Variants in TMCO4 observed in about 807,000 individuals in gnomAD.
TMCO4 encodes the protein transmembrane and coiled-coil domain-containing protein 4.
In TMCO4, 58 loss-of-function variants were observed where a neutral mutation model predicts 64.7. The observed-to-expected ratio is 0.90, with a 90% CI of 0.73 to 1.12. The LOEUF is 1.12. TMCO4 is among the 50% of genes most tolerant of loss of function. The pLI is 0.00. For missense variants in TMCO4, 780 were observed against 825.9 expected (o/e 0.94, Z 0.68); for synonymous variants, 325 against 346.1 (o/e 0.94, Z 0.68).
intron 7 of TMCO4, among the ~76,000 whole-genome samples, chr1:19,749,688 C>T (rs1247476274): frequency 6.6e-6 from 1 of 152,104 alleles, no homozygotes; most frequent in Non-Finnish European, 1.5e-5. Flanking sequence ...ATCTTTAAAG[C>T]CAGTGCAGGA....
chr1:19,707,351 G>A (rs1246479519), intron 13 of TMCO4, among the ~76,000 whole-genome samples: 1 of 152,182 alleles, frequency 6.6e-6, no homozygotes, highest in Non-Finnish European at 1.5e-5. Flanking sequence ...AGCTGGGCAC[G>A]GTGGCTCACA....
intron 13 of TMCO4, among the ~76,000 whole-genome samples, chr1:19,735,884 T>C (rs146880018): frequency 0.011 from 1,632 of 152,182 alleles, 12 homozygotes; most frequent in Non-Finnish European, 0.017. Context: ...AGCAAAATGA[T>C]GACAGCAGAG....
At chr1:19,752,146 T>C (rs2042049145) in intron 7 of TMCO4, among the ~76,000 whole-genome samples, 1 of 152,202 alleles carries the variant, frequency 6.6e-6, no homozygotes, top group African/African-American at 2.4e-5. Context: ...AGTTGTCTGA[T>C]TGAATCTCAA....
intron 13 of TMCO4, 68 bp from the exon 14 acceptor site, chr1:19,700,953 C>T: frequency 8.0e-7 from 1 of 1,252,154 alleles, no homozygotes; most frequent in South Asian, 1.3e-5. Context: ...GGGACTCCAA[C>T]AGCAGTGGAG....
intron 3 of TMCO4, among the ~76,000 whole-genome samples, chr1:19,784,852 A>AAG (rs2043656447): frequency 6.6e-6 from 1 of 151,804 alleles, no homozygotes; most frequent in Non-Finnish European, 1.5e-5. Flanking sequence ...CACTAAAAAA[A>AAG]AAAAAAAAAA....
At chr1:19,737,536 T>C in intron 12 of TMCO4, 80 bp from the exon 13 acceptor site, 1 of 1,303,732 alleles carries the variant, frequency 7.7e-7, no homozygotes, top group Non-Finnish European at 1.1e-6. Flanking sequence ...AGGGCAGCCT[T>C]TGCACATTCC....
intron 6 of TMCO4, among the ~76,000 whole-genome samples, chr1:19,763,940 T>C (rs897666037): frequency 6.6e-6 from 1 of 152,202 alleles, no homozygotes; most frequent in Non-Finnish European, 1.5e-5. Context: ...TTGGGGATGA[T>C]TCTTGCCTTT....
chr1:19,735,768 C>T (rs2095451328), intron 13 of TMCO4, among the ~76,000 whole-genome samples: 1 of 152,110 alleles, frequency 6.6e-6, no homozygotes, highest in Non-Finnish European at 1.5e-5. Context: ...AGAGACATGC[C>T]CTCTGAATGA....
chr1:19,795,507 T>A (rs572506365), intron 2 of TMCO4, among the ~76,000 whole-genome samples: 31 of 152,112 alleles, frequency 2.0e-4, no homozygotes, highest in South Asian at 6.2e-4. Context: ...ATTAAAAATT[T>A]AAAAAAAATT....
chr1:19,685,533 G>A (rs773671698), intron 15 of TMCO4, among the ~76,000 whole-genome samples: 2 of 152,106 alleles, frequency 1.3e-5, no homozygotes, highest in African/African-American at 4.8e-5. Flanking sequence ...AATGGACAAT[G>A]CCTGACACGT....
At chr1:19,725,965 A>G (rs1557518611) in intron 13 of TMCO4, among the ~76,000 whole-genome samples, 2 of 152,224 alleles carry the variant, frequency 1.3e-5, no homozygotes, top group Admixed American at 1.3e-4. Flanking sequence ...GCCGCACCCA[A>G]AGGCCTCGAG....
At chr1:19,775,019 T>A (rs1329965566) in intron 4 of TMCO4, among the ~76,000 whole-genome samples, 1 of 152,206 alleles carries the variant, frequency 6.6e-6, no homozygotes, top group African/African-American at 2.4e-5. Flanking sequence ...CCTTTCATCC[T>A]ACCCCATCTT....
chr1:19,722,708 A>G (rs544416065), intron 13 of TMCO4, among the ~76,000 whole-genome samples: 4 of 151,668 alleles, frequency 2.6e-5, no homozygotes, highest in Admixed American at 6.6e-5. Flanking sequence ...CAGTCCTGGA[A>G]GAAAGAACCC....
At chr1:19,783,839 G>A (rs983262505) in intron 3 of TMCO4, among the ~76,000 whole-genome samples, 20 of 152,256 alleles carry the variant, frequency 1.3e-4, no homozygotes, top group Admixed American at 3.9e-4. Flanking sequence ...TTAAGACCTC[G>A]CCCAAAGTCA....
intron 2 of TMCO4, 176 bp downstream of exon 2, chr1:19,797,954 GAGAGAAA>G (rs1284384797): frequency 9.8e-5 from 11 of 112,216 alleles, no homozygotes; most frequent in African/African-American, 7.0e-4. Flanking sequence ...GAGAGAAAGA[GAGAGAAA>G]AGAAAAGAAA....
chr1:19,690,866 CTTTTTTTTTT>C (rs34764589), intron 15 of TMCO4, among the ~76,000 whole-genome samples: 3 of 111,286 alleles, frequency 2.7e-5, no homozygotes, highest in African/African-American at 1.0e-4. Context: ...TGTGAAGACT[CTTTTTTTTTT>C]TTTTTTTTTT....
At chr1:19,687,863 A>G (rs755432917) in intron 15 of TMCO4, among the ~76,000 whole-genome samples, 2 of 152,136 alleles carry the variant, frequency 1.3e-5, no homozygotes, top group Admixed American at 6.5e-5. Context: ...CTCGACTACA[A>G]GTTGGTCTGG....
intron 12 of TMCO4, 43 bp downstream of exon 12, chr1:19,739,781 C>G: frequency 6.3e-7 from 1 of 1,593,960 alleles, no homozygotes; most frequent in Non-Finnish European, 8.5e-7. Context: ...ACCTGACTTC[C>G]CCTCTTGCTC....
At chr1:19,740,743 A>C in intron 11 of TMCO4, 34 bp downstream of exon 11, 5 of 1,587,598 alleles carry the variant, frequency 3.1e-6, no homozygotes, top group Non-Finnish European at 4.3e-6. Context: ...GGCAGTGGGC[A>C]TGCTGTTGTT....
Sources: gnomAD v4.1 joint callset for allele counts (sites outside exome capture counted in the v4.1 genomes callset) on GRCh38, gnomAD v4.1.1 for gene constraint, MANE v1.5 for transcripts, NCBI Gene and HGNC (gene_info 2026-07-23, HGNC 2026-07-21) for gene names.